Variants in PRDM5 observed in about 807,000 individuals in gnomAD.
PRDM5 encodes the protein PR/SET domain 5.
PRDM5 carries 56 observed loss-of-function variants against 81.2 expected under a neutral mutation model. The ratio of observed to expected loss-of-function variants is 0.69; its 90% CI spans 0.56 to 0.86. The LOEUF is 0.86. Among genes scored for constraint, PRDM5 ranks in the 40% least tolerant of loss-of-function variants. The pLI is 0.00. For synonymous variants in PRDM5, 267 were observed against 256.4 expected (o/e 1.04, Z -0.39); for missense variants, 697 against 770.1 (o/e 0.91, Z 1.12).
At chr4:120,839,390 AG>A (rs1268789209) in intron 3 of PRDM5, 2 of 676,178 alleles carry the variant, frequency 3.0e-6, no homozygotes, top group Non-Finnish European at 5.4e-6. Flanking sequence ...TTCCACAGGC[AG>A]GGTATACCAA....
intron 2 of PRDM5, among the ~76,000 whole-genome samples, chr4:120,857,303 A>G (rs1313568155): frequency 6.6e-6 from 1 of 152,224 alleles, no homozygotes; most frequent in Non-Finnish European, 1.5e-5. Flanking sequence ...AGTTGCTGTG[A>G]ACCGAGATCA....
chr4:120,777,044 G>C (rs3804163), intron 13 of PRDM5, 144 bp downstream of exon 13: 1 of 1,471,984 alleles, frequency 6.8e-7, no homozygotes, highest in Non-Finnish European at 9.1e-7. Context: ...AAAAAACTGG[G>C]TTGTACAATG....
At chr4:120,821,563 T>C (rs535671900) in intron 3 of PRDM5, among the ~76,000 whole-genome samples, 1 of 152,256 alleles carries the variant, frequency 6.6e-6, no homozygotes, top group Non-Finnish European at 1.5e-5. Flanking sequence ...CATTTACACA[T>C]GTCAAATGAA....
intron 10 of PRDM5, among the ~76,000 whole-genome samples, chr4:120,785,332 AT>A (rs3834720): frequency 7.4e-6 from 1 of 135,362 alleles, no homozygotes; most frequent in Non-Finnish European, 1.6e-5. Flanking sequence ...AAAAAAAAAT[AT>A]TCCTATTATC....
In PRDM5 at chr4:120,907,561, A is replaced by G. The variant is rs1676038042; in HGVS notation, c.94-4T>C. The stretch of plus-strand genomic sequence containing the variant: ...CAAAGGGTCCGAACTTTTCACCCTG[A>G]GTAGCAATGATTATATTGAACAAGG... On this transcript the variant is annotated splice_region_variant and splice_polypyrimidine_tract_variant and intron_variant, in intron 1 of 15. Coordinates refer to ENST00000264808, the MANE Select transcript of PRDM5 (RefSeq NM_018699.4). 6.2e-7 allele frequency: 1 copy of G among 1,600,016 alleles called. No homozygotes were observed. Among genetic ancestry groups the G allele is most frequent in the African/African-American group, 1.3e-5 (1 of 74,576 alleles).
At chr4:120,784,823 A>G (rs527716377) in intron 11 of PRDM5, among the ~76,000 whole-genome samples, 175 bp downstream of exon 11, 100 of 152,266 alleles carry the variant, frequency 6.6e-4, no homozygotes, top group Middle Eastern at 6.8e-3. Flanking sequence ...GGAAAAATAA[A>G]GCAAATATAA....
rs558177332 is a variant in PRDM5 at position 120,879,593 on chromosome 4, T to C, written c.178-26053A>G. 4.6e-5 allele frequency among the ~76,000 whole-genome samples: 7 copies of C among 152,362 alleles called. No homozygotes were observed. In the South Asian group the frequency reaches 1.4e-3, roughly 32 times the overall value. On this transcript the variant is annotated intron_variant, in intron 2 of 15. Coordinates refer to ENST00000264808, the MANE Select transcript of PRDM5 (RefSeq NM_018699.4). ...TAAGATTTTCTTAGTGAAATTTCAT[T>C]TTGTCTATCTTACTTTATTGTAAGA...
Position 120,821,328 on chromosome 4 carries a change from G to T in PRDM5, c.318C>A (p.Phe106Leu). Reference protein sequence around the residue: ...LAAIQEGENIFYLAVEDIETD... With the variant: ...LAAIQEGENILYLAVEDIETD... ...TTTCTATATCTTCAACTGCCAAATA[G>T]AAAATGTTTTCTCCTTCCTGAAACA... Residue 106 changes from phenylalanine (F) to leucine (L), a missense_variant, in exon 4 of 16, where the codon TTC (phenylalanine) becomes TTA (leucine). Physicochemically the swap from Phe to Leu is conservative, Grantham distance 22. Coordinates refer to ENST00000264808, the MANE Select transcript of PRDM5 (RefSeq NM_018699.4). The T allele has an allele frequency of 6.2e-7, 1 of 1,613,900 alleles. No individual in the cohort carries two copies. The highest frequency in any genetic ancestry group is 8.5e-7 in the Non-Finnish European group (1 of 1,179,944).
At chr4:120,798,187 C>A in intron 10 of PRDM5, 80 bp downstream of exon 10, 3 of 1,162,686 alleles carry the variant, frequency 2.6e-6, no homozygotes, top group South Asian at 1.6e-5. Context: ...CCCAGATGTA[C>A]AAAAGCTTTA....
chr4:120,867,955 A>G (rs1463858551), intron 2 of PRDM5, among the ~76,000 whole-genome samples: 1 of 152,242 alleles, frequency 6.6e-6, no homozygotes, highest in Non-Finnish European at 1.5e-5. Context: ...TGGGAACAAC[A>G]TTGGGCGCTG....
chr4:120,726,000 C>A (rs754802996), intron 14 of PRDM5, among the ~76,000 whole-genome samples: 7 of 152,134 alleles, frequency 4.6e-5, no homozygotes, highest in Non-Finnish European at 1.0e-4. Context: ...CTAGCTAGCC[C>A]TTTCCCATCA....
At position 120,821,187 on chromosome 4, in the gene PRDM5, TG is replaced by T. The variant is rs778697621; in HGVS notation, c.458del (p.Ser153Ter). ...ATGCAATACCTTTTCTGCCCGCTGT[TG>T]ATTGTCTTCTAGAATTTTCAACTTC... ...EGEVENSRRQ[S>X]TAGRKDRLGC... On this transcript the variant is annotated frameshift_variant, in exon 4 of 16. Transcript: ENST00000264808. LOFTEE classifies it high-confidence loss of function. 6 of 1,614,054 alleles carry T rather than the reference TG, an allele frequency of 3.7e-6. No homozygotes were observed. Among genetic ancestry groups the T allele is most frequent in the African/African-American group, 1.3e-5 (1 of 74,940 alleles).
At chr4:120,893,369 T>C (rs1372277170) in intron 2 of PRDM5, among the ~76,000 whole-genome samples, 6 of 152,206 alleles carry the variant, frequency 3.9e-5, no homozygotes, top group Non-Finnish European at 8.8e-5. Flanking sequence ...CTCAGATGGC[T>C]GGCCAGCAGG....
At chr4:120,704,638 T>C (rs1224670859) in intron 15 of PRDM5, among the ~76,000 whole-genome samples, 2 of 152,228 alleles carry the variant, frequency 1.3e-5, no homozygotes, top group South Asian at 2.1e-4. Flanking sequence ...GAACACACTG[T>C]CTAGCCCTTG....
intron 13 of PRDM5, among the ~76,000 whole-genome samples, chr4:120,774,930 G>GTATATGTATA (rs1561183317): frequency 1.4e-5 from 2 of 139,714 alleles, no homozygotes; most frequent in East Asian, 4.0e-4. Flanking sequence ...GTATATATAT[G>GTATATGTATA]TATATGTATA....
chr4:120,799,556 A>T (rs1275810148), intron 9 of PRDM5, 105 bp downstream of exon 9: 4 of 1,502,226 alleles, frequency 2.7e-6, no homozygotes, highest in Non-Finnish European at 3.6e-6. Context: ...CCAAAGCAGA[A>T]TTCATAGCTA....
chr4:120,904,184 C>T (rs1579189802), intron 2 of PRDM5, among the ~76,000 whole-genome samples: 1 of 598 alleles, frequency 1.7e-3, no homozygotes, highest in Non-Finnish European at 0.024. Context: ...AGGGAGACTC[C>T]TTCTCAAAAA....
At chr4:120,910,166 G>A (rs1311554562) in intron 1 of PRDM5, among the ~76,000 whole-genome samples, 3 of 152,102 alleles carry the variant, frequency 2.0e-5, no homozygotes, top group Admixed American at 1.3e-4. Flanking sequence ...TAAAAACACT[G>A]ATAGGGGAGG....
chr4:120,828,144 T>C (rs986375865), intron 3 of PRDM5, among the ~76,000 whole-genome samples: 1 of 152,130 alleles, frequency 6.6e-6, no homozygotes, highest in African/African-American at 2.4e-5. Context: ...TGTATCCTAG[T>C]ATATAACTTA....
Sources: allele counts gnomAD v4.1 joint callset (sites outside exome capture counted in the v4.1 genomes callset), GRCh38; gene constraint gnomAD v4.1.1; transcripts MANE v1.5; gene names NCBI Gene and HGNC (gene_info 2026-07-23, HGNC 2026-07-21).